The following COQ9 variants were observed in gnomAD, a reference collection of about 807,000 sequenced individuals.
The protein encoded by COQ9 is ubiquinone biosynthesis protein COQ9, mitochondrial.
A neutral mutation model predicts 42.4 loss-of-function variants in COQ9; 35 were observed. That is an observed-to-expected ratio of 0.83 (90% CI 0.63 to 1.10). The LOEUF is 1.10. COQ9 is among the 50% of genes least tolerant of loss of function. COQ9 has a pLI of 0.00. For missense variants in COQ9, 406 were observed against 414.6 expected, an observed-to-expected ratio of 0.98 and a Z score of 0.18; for synonymous variants, 155 against 155.1, an observed-to-expected ratio of 1.00 and a Z score of 0.00.
At chr16:57,457,305 G>A (rs1340888617) in intron 5 of COQ9, 1 of 482,976 alleles carries the variant, frequency 2.1e-6, no homozygotes, top group Admixed American at 3.0e-5. Context: ...AGGTCTGCAG[G>A]GAGGAGGAAT....
At chr16:57,459,799 C>T in intron 7 of COQ9, 79 bp downstream of exon 7, 1 of 1,550,138 alleles carries the variant, frequency 6.5e-7, no homozygotes, top group South Asian at 1.1e-5. Flanking sequence ...GTCTTGCTCC[C>T]TTTTGGCCTC....
At chr16:57,457,320 G>T in intron 5 of COQ9, 1 of 452,142 alleles carries the variant, frequency 2.2e-6, no homozygotes, top group Non-Finnish European at 4.1e-6. Flanking sequence ...AGGAATCCAT[G>T]CAGGAGGTTA....
chr16:57,455,716 G>A (rs2030386921), intron 3 of COQ9, among the ~76,000 whole-genome samples: 1 of 152,182 alleles, frequency 6.6e-6, no homozygotes, highest in East Asian at 1.9e-4. Flanking sequence ...GGCTGCGAGG[G>A]GTAGAACTAG....
At chr16:57,454,743 G>A (rs1335515164) in intron 3 of COQ9, among the ~76,000 whole-genome samples, 1 of 152,182 alleles carries the variant, frequency 6.6e-6, no homozygotes, top group Non-Finnish European at 1.5e-5. Context: ...ACCTGACTTT[G>A]TGGGTAGGAG....
chr16:57,460,861 T>C lies in COQ9; in HGVS notation c.*237T>C. ...CAGACCAAGCCTCCTGATGCCTTTC[T>C]GCACTGCAACTGTGTGATTGAAAAA... On this transcript the variant is annotated 3_prime_UTR_variant, in exon 9 of 9. Coordinates refer to ENST00000262507, the MANE Select transcript of COQ9 (RefSeq NM_020312.4). 5 of 540,116 alleles carry C rather than the reference T, an allele frequency of 9.3e-6. No individual in the cohort carries two copies. The highest frequency in any genetic ancestry group is 1.7e-5 in the Non-Finnish European group (5 of 296,880). 33.5% of individuals were successfully genotyped at this position (540,116 alleles called of 1,614,324 possible).
At chr16:57,457,054 C>A in intron 5 of COQ9, 39 bp downstream of exon 5, 1 of 1,444,670 alleles carries the variant, frequency 6.9e-7, no homozygotes, top group Non-Finnish European at 9.8e-7. Flanking sequence ...CAACAATAAT[C>A]CTAATATTTA....
At chr16:57,456,455 AC>A (rs1414438536) in intron 3 of COQ9, 48 bp from the exon 4 acceptor site, 3 of 1,604,646 alleles carry the variant, frequency 1.9e-6, no homozygotes, top group Non-Finnish European at 2.6e-6. Flanking sequence ...CAACAAATGT[AC>A]CCTACACTTG....
chr16:57,458,375 G>A, intron 6 of COQ9, 25 bp downstream of exon 6: 1 of 1,525,360 alleles, frequency 6.6e-7, no homozygotes, highest in African/African-American at 1.4e-5. Context: ...CAGGCCCACA[G>A]GAGGCTGGGA....
chr16:57,452,976 G>T (rs771816437), intron 3 of COQ9, 40 bp downstream of exon 3: 1 of 1,612,366 alleles, frequency 6.2e-7, no homozygotes, highest in Non-Finnish European at 8.5e-7. Flanking sequence ...ACCAAGATGA[G>T]CCAGGATGGA....
At position 57,447,488 on chromosome 16, in the gene COQ9, G is replaced by C. The variant is rs755781708; in HGVS notation, c.-18G>C. ...AGCTACCGGTCGCGTCGCCGTGGGC[G>C]ACGTGCCCGCTTCCAAAATGGCGGC... On this transcript the variant is annotated 5_prime_UTR_variant, in exon 1 of 9. Transcript: ENST00000262507. 2 of 1,289,378 alleles carry C rather than the reference G, an allele frequency of 1.6e-6. No individual in the cohort carries two copies. Among genetic ancestry groups the C allele is most frequent in the East Asian group, 3.1e-5 (1 of 32,206 alleles). The allele number at this position is 1,289,378 out of a possible 1,614,324, so 79.9% of individuals were successfully genotyped here.
At chr16:57,459,764 A>G in intron 7 of COQ9, 44 bp downstream of exon 7, 1 of 1,606,912 alleles carries the variant, frequency 6.2e-7, no homozygotes, top group Non-Finnish European at 8.5e-7. Flanking sequence ...TAGAAGGCAT[A>G]CCTATTCTCC....
intron 2 of COQ9, 58 bp downstream of exon 2, chr16:57,451,266 C>G: frequency 6.6e-7 from 1 of 1,514,564 alleles, no homozygotes; most frequent in South Asian, 1.1e-5. Flanking sequence ...GTCTGTTCCT[C>G]CTTCACTTCC....
Position 57,458,017 on chromosome 16 carries a change from G to A in COQ9, c.607-229G>A, listed in dbSNP as rs539542025. On this transcript the variant is annotated intron_variant, in intron 5 of 8. Transcript: ENST00000262507. ...TGCATTCCCAGTTCCAAATGCTAGG[G>A]ATGGAGAATGTGCTTGGGCTTGCAT... 68 of 550,940 alleles carry A rather than the reference G, an allele frequency of 1.2e-4. 1 individual carries two copies. The highest frequency in any genetic ancestry group is 9.5e-4 in the South Asian group (51 of 53,450). The allele number at this position is 550,940 out of a possible 1,614,324, so 34.1% of individuals were successfully genotyped here. A position where few individuals can be genotyped will look rare whatever the true frequency, so the allele number is the denominator to read the frequency against.
intron 8 of COQ9, 127 bp downstream of exon 8, chr16:57,460,231 A>G: frequency 9.9e-7 from 1 of 1,014,864 alleles, no homozygotes; most frequent in Non-Finnish European, 1.5e-6. Context: ...TAAGGCTGAC[A>G]ATGGTTCAGC....
intron 1 of COQ9, 92 bp downstream of exon 1, chr16:57,447,670 G>T (rs1459702618): frequency 1.0e-5 from 11 of 1,091,782 alleles, no homozygotes; most frequent in Non-Finnish European, 1.3e-5. Context: ...GGAAGAGGCC[G>T]TTGGGGCGGC....
chr16:57,452,945 A>G lies in COQ9; in HGVS notation c.378+9A>G, dbSNP rs757816546. 1.4e-5 allele frequency: 23 copies of G among 1,613,160 alleles called. No homozygotes were observed. Among genetic ancestry groups the G allele is most frequent in the Non-Finnish European group, 1.9e-5 (22 of 1,179,892 alleles). ...TTGCAGAAGGAGCCCAGGTGTGTAT[A>G]GGTGAGGGTGGGGCCACCTAACCAA... is the stretch of plus-strand genomic sequence containing the variant. On this transcript the variant is annotated intron_variant, in intron 3 of 8. Coordinates refer to ENST00000262507, the MANE Select transcript of COQ9 (RefSeq NM_020312.4).
chr16:57,460,247 T>C lies in COQ9; in HGVS notation c.921+143T>C, dbSNP rs1323999139. 5.4e-6 allele frequency: 5 copies of C among 932,974 alleles called. No individual in the cohort carries two copies. The African/African-American group carries it at 8.2e-5, about 15-fold the overall frequency. The allele number at this position is 932,974 out of a possible 1,614,324, so 57.8% of individuals were successfully genotyped here. A position where few individuals can be genotyped will look rare whatever the true frequency, so the allele number is the denominator to read the frequency against. On this transcript the variant is annotated intron_variant, in intron 8 of 8. Transcript: ENST00000262507. ...AAGGCTGACAATGGTTCAGCCCTAG[T>C]GTCTTGATTCCAAAAACCTCACTTC...
intron 3 of COQ9, chr16:57,453,181 G>A: frequency 1.8e-6 from 1 of 563,202 alleles, no homozygotes; most frequent in South Asian, 2.0e-5. Flanking sequence ...AGAATTGTCT[G>A]TGATCAAAAC....
intron 1 of COQ9, 79 bp from the exon 2 acceptor site, chr16:57,450,961 C>T (rs2030271427): frequency 2.7e-6 from 4 of 1,507,554 alleles, no homozygotes; most frequent in Admixed American, 1.8e-5. Flanking sequence ...GCTTTTCCTC[C>T]TCCTTATCTG....
Sources: gnomAD v4.1 joint callset for allele counts (sites outside exome capture counted in the v4.1 genomes callset) on GRCh38, gnomAD v4.1.1 for gene constraint, MANE v1.5 for transcripts, NCBI Gene and HGNC (gene_info 2026-07-23, HGNC 2026-07-21) for gene names.